The following DNM3 variants were observed in gnomAD, a reference collection of about 807,000 sequenced individuals.
DNM3 encodes dynamin 3, also known as dynamin-3.
In DNM3, 47 loss-of-function variants were observed where a neutral mutation model predicts 101.6. The ratio of observed to expected loss-of-function variants is 0.46; its 90% CI spans 0.37 to 0.59. DNM3 has a LOEUF of 0.59. Among genes scored for constraint, DNM3 ranks in the 20% least tolerant of loss-of-function variants. The pLI is 0.00. For missense variants in DNM3, 849 were observed against 1,085.7 expected (o/e 0.78, Z 3.06); for synonymous variants, 385 against 387.9 (o/e 0.99, Z 0.09).
At chr1:172,031,761 G>C (rs2048626673) in intron 4 of DNM3, among the ~76,000 whole-genome samples, 1 of 152,082 alleles carries the variant, frequency 6.6e-6, no homozygotes, top group African/African-American at 2.4e-5. Context: ...CTGAGACCTG[G>C]GGAGTTTTGG....
At chr1:172,134,060 A>G (rs945988214) in intron 14 of DNM3, among the ~76,000 whole-genome samples, 1 of 152,114 alleles carries the variant, frequency 6.6e-6, no homozygotes, top group African/African-American at 2.4e-5. Flanking sequence ...GCGTGAAGGG[A>G]GCGGGGATGG....
intron 1 of DNM3, among the ~76,000 whole-genome samples, chr1:171,870,303 A>G (rs1463287469): frequency 6.6e-6 from 1 of 152,200 alleles, no homozygotes; most frequent in Non-Finnish European, 1.5e-5. Context: ...AGAAGGCATT[A>G]CTGAAGATAA....
At position 172,412,195 on chromosome 1, in the gene DNM3, G is replaced by A; in HGVS notation, c.*4354G>A. ...CTTCTGGTTGGAGGTTTCACATATG[G>A]CTCAACTCAAGTCATTAATCTCTTT... On this transcript the variant is annotated 3_prime_UTR_variant, in exon 21 of 21. Coordinates refer to ENST00000627582, the MANE Select transcript of DNM3 (RefSeq NM_015569.5). 1.0e-6 allele frequency: 1 copy of A among 985,578 alleles called. No individual in the cohort carries two copies. The highest frequency in any genetic ancestry group is 1.2e-6 in the Non-Finnish European group (1 of 829,830). 61.1% of individuals were successfully genotyped at this position (985,578 alleles called of 1,614,324 possible). A position where few individuals can be genotyped will look rare whatever the true frequency, so the allele number is the denominator to read the frequency against.
rs147756130 is a variant in DNM3 at position 172,292,079 on chromosome 1, G to A, written c.1770-16649G>A. ...GAGGCCTGGTTTTATAGGAGGTCAC[G>A]TGCACAGGACCTAAAGGCAGTGGAA... On this transcript the variant is annotated intron_variant, in intron 15 of 20. Transcript: ENST00000627582. Among the ~76,000 whole-genome samples the A allele has an allele frequency of 2.3e-3, 355 of 152,250 alleles. 2 individuals are homozygous for A. Among genetic ancestry groups the A allele is most frequent in the African/African-American group, 8.1e-3 (337 of 41,556 alleles).
rs909049484 is a variant in DNM3 at position 171,865,962 on chromosome 1, T to C, written c.161+24145T>C. On this transcript the variant is annotated intron_variant, in intron 1 of 20. Transcript: ENST00000627582. Reference sequence around the variant, plus strand: ...TTCAGCATCTTCCCCAGAGAGGTCATGTCCTCTGTGTATTCTCTTAATCAA... The same window carrying C: ...TTCAGCATCTTCCCCAGAGAGGTCACGTCCTCTGTGTATTCTCTTAATCAA... Among the ~76,000 whole-genome samples, 5 of 152,208 alleles carry C rather than the reference T, an allele frequency of 3.3e-5. No homozygotes were observed. The South Asian group carries it at 6.2e-4, about 19-fold the overall frequency.
intron 14 of DNM3, among the ~76,000 whole-genome samples, chr1:172,188,814 C>G (rs1181500203): frequency 6.6e-6 from 1 of 152,014 alleles, no homozygotes; most frequent in Non-Finnish European, 1.5e-5. Context: ...AATATGAGTT[C>G]CTGTTCCTTT....
At chr1:171,967,940 T>C (rs2043705906) in intron 2 of DNM3, among the ~76,000 whole-genome samples, 1 of 152,210 alleles carries the variant, frequency 6.6e-6, no homozygotes, top group Non-Finnish European at 1.5e-5. Context: ...ATATTGCTTC[T>C]GTGTTTATGC....
intron 17 of DNM3, among the ~76,000 whole-genome samples, chr1:172,331,565 T>C (rs1417957084): frequency 6.6e-6 from 1 of 152,086 alleles, no homozygotes; most frequent in African/African-American, 2.4e-5. Flanking sequence ...GCACTTAATA[T>C]ACGTTTGCTA....
chr1:172,235,020 A>T (rs1422256224), intron 14 of DNM3, among the ~76,000 whole-genome samples: 1 of 152,148 alleles, frequency 6.6e-6, no homozygotes, highest in Non-Finnish European at 1.5e-5. Flanking sequence ...TAAACTAAAG[A>T]GCTTCTGCAC....
At chr1:172,384,608 T>C (rs183785159) in intron 18 of DNM3, among the ~76,000 whole-genome samples, 2 of 152,330 alleles carry the variant, frequency 1.3e-5, no homozygotes, top group African/African-American at 4.8e-5. Flanking sequence ...TGTGTCATAA[T>C]TGCTGTGGAA....
chr1:172,352,451 AT>A (rs2067241776), intron 17 of DNM3, among the ~76,000 whole-genome samples: 1 of 152,144 alleles, frequency 6.6e-6, no homozygotes, highest in Non-Finnish European at 1.5e-5. Flanking sequence ...GTGTTACAGA[AT>A]TTATTTGAAC....
chr1:171,878,736 C>T (rs530101054), intron 1 of DNM3, among the ~76,000 whole-genome samples: 3 of 152,222 alleles, frequency 2.0e-5, no homozygotes, highest in South Asian at 2.1e-4. Context: ...ATAATCATAT[C>T]GTTTTAATCC....
chr1:172,359,675 C>A (rs542414996), intron 17 of DNM3, among the ~76,000 whole-genome samples: 1 of 151,136 alleles, frequency 6.6e-6, no homozygotes, highest in African/African-American at 2.4e-5. Flanking sequence ...TCAAAACCAG[C>A]ATTTCAGGGA....
intron 20 of DNM3, among the ~76,000 whole-genome samples, chr1:172,394,928 A>G (rs998522478): frequency 2.0e-5 from 3 of 152,222 alleles, no homozygotes; most frequent in African/African-American, 7.2e-5. Context: ...TAGATGACAC[A>G]CAAGCTAGTA....
intron 14 of DNM3, among the ~76,000 whole-genome samples, chr1:172,165,317 A>C (rs536394330): frequency 2.0e-5 from 3 of 151,988 alleles, no homozygotes; most frequent in Admixed American, 2.0e-4. Context: ...GGGGAAAAAA[A>C]GGTGAGAGTA....
intron 17 of DNM3, among the ~76,000 whole-genome samples, chr1:172,351,946 A>T (rs114357932): frequency 1.4e-3 from 217 of 152,312 alleles, no homozygotes; most frequent in African/African-American, 5.0e-3. Context: ...AGCTTCCCAG[A>T]TCATTGAACA....
intron 16 of DNM3, among the ~76,000 whole-genome samples, chr1:172,320,821 G>A (rs2065679504): frequency 6.6e-6 from 1 of 152,152 alleles, no homozygotes; most frequent in South Asian, 2.1e-4. Context: ...GAATTCACAA[G>A]CCTGCTCTCA....
At chr1:172,184,560 A>G (rs1257144256) in intron 14 of DNM3, among the ~76,000 whole-genome samples, 1 of 152,154 alleles carries the variant, frequency 6.6e-6, no homozygotes, top group Non-Finnish European at 1.5e-5. Context: ...ATATGTCCCC[A>G]GGCTAGGTGC....
chr1:172,323,430 G>A, intron 17 of DNM3, 90 bp downstream of exon 17: 2 of 1,457,162 alleles, frequency 1.4e-6, no homozygotes, highest in Non-Finnish European at 9.3e-7. Context: ...TGTGCATGCT[G>A]GAATGACTGT....
Sources: gnomAD v4.1 joint callset for allele counts (sites outside exome capture counted in the v4.1 genomes callset) on GRCh38, gnomAD v4.1.1 for gene constraint, MANE v1.5 for transcripts, NCBI Gene and HGNC (gene_info 2026-07-23, HGNC 2026-07-21) for gene names.